The following TRAP1 variants were observed in gnomAD, a reference collection of about 807,000 sequenced individuals.
TRAP1 encodes the protein TNF receptor associated protein 1.
TRAP1 carries 102 observed loss-of-function variants against 89.1 expected under a neutral mutation model. That is an observed-to-expected ratio of 1.15 (90% confidence interval 0.98 to 1.35). The LOEUF (loss-of-function observed/expected upper bound fraction) is 1.35, where lower values mean the gene tolerates loss of function less well. Among genes scored for constraint, TRAP1 ranks in the 40% most tolerant of loss-of-function variants. The pLI is 0.00. For synonymous variants in TRAP1, 508 were observed against 388.0 expected, an observed-to-expected ratio of 1.31 and a Z score of -3.64; for missense variants, 1,256 against 945.3, an observed-to-expected ratio of 1.33 and a Z score of -4.31.
At position 3,677,482 on chromosome 16, in the gene TRAP1, G is replaced by C; in HGVS notation, c.704+16C>G. 1.2e-6 allele frequency: 2 copies of C among 1,614,124 alleles called. No homozygotes were observed. Among genetic ancestry groups the C allele is most frequent in the Non-Finnish European group, 1.7e-6 (2 of 1,180,026 alleles). On this transcript the variant is annotated intron_variant, in intron 6 of 17. Transcript: ENST00000246957. ...CTCAGCTTTGAGCTGCCTGTCAGGC[G>C]ACATTCGTCACTCACCCATCTGAAA...
rs2051205651 is a variant in TRAP1, at chr16:3,690,924, G to C, written c.150C>G (p.Ala50=). ...ACAGTCGTCCTGCCTGCAAGCTCCA[G>C]GCTGGGTTTCGCCTGGGGCCCAACT... The part of the protein sequence containing the change: ...TAQLGPRRNP[A]WSLQAGRLFS... Residue 50 remains alanine (A), a synonymous_variant, in exon 2 of 18, where the codon GCC becomes GCG. Coordinates refer to ENST00000246957, the MANE Select transcript of TRAP1 (RefSeq NM_016292.3). 1 of 1,591,780 alleles carries C rather than the reference G, an allele frequency of 6.3e-7. No homozygotes were observed. The highest frequency in any genetic ancestry group is 1.8e-5 in the Admixed American group (1 of 56,806).
chr16:3,712,255 C>G (rs9922074), intron 1 of TRAP1, among the ~76,000 whole-genome samples: 3 of 120,978 alleles, frequency 2.5e-5, no homozygotes, highest in African/African-American at 9.5e-5. Flanking sequence ...TGCCACTGCA[C>G]TTCAGCCTGG....
intron 1 of TRAP1, among the ~76,000 whole-genome samples, chr16:3,695,816 C>G (rs1345020448): frequency 2.6e-5 from 4 of 152,072 alleles, no homozygotes; most frequent in Non-Finnish European, 5.9e-5. Context: ...TACGCATGTG[C>G]CAAGATCAAG....
At chr16:3,682,218 T>C (rs1296204175) in intron 4 of TRAP1, among the ~76,000 whole-genome samples, 1 of 152,016 alleles carries the variant, frequency 6.6e-6, no homozygotes, top group African/African-American at 2.4e-5. Context: ...AAATGGATCA[T>C]AGATCTAAAT....
At chr16:3,658,390 G>A in intron 17 of TRAP1, 160 bp from the exon 18 acceptor site, 1 of 655,816 alleles carries the variant, frequency 1.5e-6, no homozygotes. Flanking sequence ...AAAGTGCTGG[G>A]ATTACAGGCG....
At chr16:3,696,352 T>C (rs886489468) in intron 1 of TRAP1, among the ~76,000 whole-genome samples, 5 of 152,138 alleles carry the variant, frequency 3.3e-5, no homozygotes. Flanking sequence ...TGGCAGAATC[T>C]AGGACAATCT....
At chr16:3,688,387 G>A (rs534394624) in intron 3 of TRAP1, among the ~76,000 whole-genome samples, 8 of 152,218 alleles carry the variant, frequency 5.3e-5, no homozygotes, top group African/African-American at 1.4e-4. Context: ...AGCCAAAGCC[G>A]CCAAGACCTG....
chr16:3,675,105 G>C (rs1420918900), intron 8 of TRAP1, among the ~76,000 whole-genome samples: 1 of 152,152 alleles, frequency 6.6e-6, no homozygotes. Flanking sequence ...TTACGCCTCA[G>C]TGAACCCTGA....
At chr16:3,715,116 G>A (rs1481877450) in intron 1 of TRAP1, among the ~76,000 whole-genome samples, 1 of 152,202 alleles carries the variant, frequency 6.6e-6, no homozygotes, top group African/African-American at 2.4e-5. Flanking sequence ...GAAGATGGAG[G>A]ACGAGAGGAG....
intron 1 of TRAP1, among the ~76,000 whole-genome samples, chr16:3,700,058 C>T (rs988458015): frequency 1.3e-5 from 2 of 152,042 alleles, no homozygotes; most frequent in African/African-American, 2.4e-5. Context: ...TATAATTTAT[C>T]TCACCAAATT....
intron 1 of TRAP1, among the ~76,000 whole-genome samples, chr16:3,700,735 G>T (rs1484244571): frequency 6.6e-6 from 1 of 152,106 alleles, no homozygotes; most frequent in Non-Finnish European, 1.5e-5. Context: ...CAAAGTGGTG[G>T]GATTACAGAA....
chr16:3,684,562 G>C (rs1464957208), intron 4 of TRAP1, among the ~76,000 whole-genome samples: 1 of 152,186 alleles, frequency 6.6e-6, no homozygotes, highest in African/African-American at 2.4e-5. Context: ...GGCCAAGGCG[G>C]GCAGATCACT....
In TRAP1 at chr16:3,664,436, G is replaced by C. The variant is rs763627958; in HGVS notation, c.1407C>G (p.Arg469=). The part of the protein sequence containing the change: ...EVKEDIAKLL[R]YESSALPSGQ... ...CGGAGGGCAGCGCCGAGGACTCGTA[G>C]CGCAGCAGCTTTGCTATGTCCTCCT... The change falls in exon 13 of 18, where the codon CGC becomes CGG. Residue 469 remains arginine (R), a synonymous_variant. Transcript: ENST00000246957. The C allele has an allele frequency of 1.9e-6, 3 of 1,611,910 alleles. No homozygotes were observed. The highest frequency in any genetic ancestry group is 2.7e-5 in the African/African-American group (2 of 74,884).
chr16:3,713,303 T>C (rs1036425431), intron 1 of TRAP1, among the ~76,000 whole-genome samples: 17 of 152,152 alleles, frequency 1.1e-4, no homozygotes, highest in Admixed American at 3.9e-4. Context: ...CAAAACGAAG[T>C]ACTGAAGGGG....
chr16:3,699,423 G>C (rs1158811707), intron 1 of TRAP1, among the ~76,000 whole-genome samples: 1 of 152,134 alleles, frequency 6.6e-6, no homozygotes, highest in African/African-American at 2.4e-5. Context: ...GATCACCTGA[G>C]GTCAGGAGTT....
In TRAP1 at chr16:3,662,026, C is replaced by T. The variant is rs1002016730; in HGVS notation, c.1901G>A (p.Arg634His). ...MQQLAKTQEERAQLLQPTLEI... is the reference protein window; with the variant it reads ...MQQLAKTQEEHAQLLQPTLEI... ...CAGCGTGGGCTGCAGGAGCTGTGCG[C>T]GCTCCTCCTGGGTCTTGGCCAGCTG... Residue 634 changes from arginine to histidine, a missense_variant, in exon 16 of 18, where the codon CGC becomes CAC. Transcript: ENST00000246957. 1.2e-5 allele frequency: 19 copies of T among 1,612,902 alleles called. No homozygotes were observed. Among genetic ancestry groups the T allele is most frequent in the East Asian group, 4.5e-5 (2 of 44,870 alleles).
chr16:3,707,255 G>C (rs569749840), intron 1 of TRAP1, among the ~76,000 whole-genome samples: 1 of 145,394 alleles, frequency 6.9e-6, no homozygotes. Flanking sequence ...GCGGGATCTC[G>C]GCTCACTGCA....
chr16:3,689,221 C>T (rs1017092601), intron 2 of TRAP1, 84 bp from the exon 3 acceptor site: 17 of 1,046,486 alleles, frequency 1.6e-5, no homozygotes, highest in East Asian at 1.1e-4. Context: ...CCAAAGAAAG[C>T]TTAAGTTTAT....
chr16:3,716,049 G>C (rs1371814711), intron 1 of TRAP1, among the ~76,000 whole-genome samples: 2 of 152,078 alleles, frequency 1.3e-5, no homozygotes, highest in East Asian at 3.9e-4. Flanking sequence ...TTTTAGTAGA[G>C]ACAGGGTTTC....
Sources: allele counts gnomAD v4.1 joint callset (sites outside exome capture counted in the v4.1 genomes callset), GRCh38; gene constraint gnomAD v4.1.1; transcripts MANE v1.5; gene names NCBI Gene and HGNC (gene_info 2026-07-23, HGNC 2026-07-21).